Variants in EYS observed in about 807,000 individuals in gnomAD.
EYS encodes EGF-like photoreceptor maintenance factor.
A neutral mutation model predicts 282.1 loss-of-function variants in EYS; 250 were observed. The observed-to-expected ratio is 0.89, with a 90% CI of 0.80 to 0.98. The LOEUF is 0.98. Ranked by LOEUF, EYS falls within the 50% of genes least tolerant of loss-of-function variation. The pLI is 0.00. For synonymous variants in EYS, 1,355 were observed against 1,282.9 expected (o/e 1.06, Z -1.20); for missense variants, 4,016 against 3,709.0 (o/e 1.08, Z -2.15).
At chr6:63,886,017 G>C (rs1468794780) in intron 35 of EYS, among the ~76,000 whole-genome samples, 3 of 152,060 alleles carry the variant, frequency 2.0e-5, no homozygotes. Flanking sequence ...ATTTCTTATG[G>C]TATGGCTTCA....
At chr6:64,546,173 G>T (rs1278642401) in intron 26 of EYS, among the ~76,000 whole-genome samples, 2 of 152,078 alleles carry the variant, frequency 1.3e-5, no homozygotes, top group Admixed American at 6.5e-5. Flanking sequence ...CCAAAACAGA[G>T]ATATAGACCA....
intron 41 of EYS, among the ~76,000 whole-genome samples, chr6:63,750,397 CAGG>C (rs1769314471): frequency 3.3e-5 from 5 of 152,286 alleles, no homozygotes; most frequent in Admixed American, 6.5e-5. Flanking sequence ...TGACTTTGTA[CAGG>C]AGAAGACCTT....
chr6:65,503,735 AT>A (rs1355777554), intron 2 of EYS, among the ~76,000 whole-genome samples: 1 of 151,672 alleles, frequency 6.6e-6, no homozygotes, highest in Non-Finnish European at 1.5e-5. Flanking sequence ...TTTGAATTAC[AT>A]TTGATTATTT....
At chr6:64,283,246 G>A (rs1304406759) in intron 30 of EYS, among the ~76,000 whole-genome samples, 2 of 152,064 alleles carry the variant, frequency 1.3e-5, no homozygotes, top group Non-Finnish European at 2.9e-5. Context: ...CTTCAGAGAT[G>A]CCTTTCTTGT....
At chr6:64,867,335 T>C (rs931838669) in intron 19 of EYS, among the ~76,000 whole-genome samples, 4 of 151,766 alleles carry the variant, frequency 2.6e-5, no homozygotes, top group Non-Finnish European at 4.4e-5. Flanking sequence ...ATACAACTTA[T>C]TTAAATTTGT....
intron 22 of EYS, among the ~76,000 whole-genome samples, chr6:64,754,679 C>T (rs977893671): frequency 2.0e-4 from 30 of 152,164 alleles, no homozygotes; most frequent in Admixed American, 1.2e-3. Context: ...GATGGTTCAA[C>T]GTATGCAAAT....
intron 13 of EYS, among the ~76,000 whole-genome samples, chr6:65,020,477 C>T (rs959882131): frequency 6.6e-6 from 1 of 152,048 alleles, no homozygotes; most frequent in African/African-American, 2.4e-5. Flanking sequence ...AGATCACATC[C>T]CATGGCTTTG....
Position 64,626,394 on chromosome 6 carries a change from T to C in EYS, c.3444-149A>G, listed in dbSNP as rs915649401. ...TTCCTTGGGGTGACAATGAGTTGAA[T>C]TGTGGCCCCAAAACAGTATGTCTAA... is the stretch of plus-strand genomic sequence containing the variant. On this transcript the variant is annotated intron_variant, in intron 22 of 42. Transcript: ENST00000503581. 44 of 822,704 alleles carry C rather than the reference T, an allele frequency of 5.3e-5. No homozygotes were observed. In the East Asian group the frequency reaches 1.2e-3, roughly 22 times the overall value. 51.0% of individuals were successfully genotyped at this position (822,704 alleles called of 1,614,324 possible).
chr6:65,239,847 C>T (rs989431287), intron 12 of EYS, among the ~76,000 whole-genome samples: 6 of 151,916 alleles, frequency 3.9e-5, no homozygotes, highest in African/African-American at 1.5e-4. Context: ...AAATTACTAC[C>T]CTGATGAATG....
chr6:64,842,990 C>T (rs1765610323), intron 19 of EYS, among the ~76,000 whole-genome samples: 1 of 152,048 alleles, frequency 6.6e-6, no homozygotes, highest in Non-Finnish European at 1.5e-5. Context: ...AAATTGTCTC[C>T]AGGGCATGTC....
intron 28 of EYS, among the ~76,000 whole-genome samples, chr6:64,431,004 C>T (rs1774560025): frequency 6.6e-6 from 1 of 152,134 alleles, no homozygotes; most frequent in South Asian, 2.1e-4. Context: ...TACTCTGACA[C>T]TATCTCTACA....
chr6:63,884,681 A>C (rs568621205), intron 35 of EYS, among the ~76,000 whole-genome samples: 2 of 152,176 alleles, frequency 1.3e-5, no homozygotes, highest in African/African-American at 2.4e-5. Flanking sequence ...ATAGTCCGTC[A>C]AATCCTGATT....
At chr6:65,378,343 T>A (rs1290468853) in intron 8 of EYS, among the ~76,000 whole-genome samples, 1 of 152,160 alleles carries the variant, frequency 6.6e-6, no homozygotes, top group African/African-American at 2.4e-5. Context: ...AGATACCATC[T>A]CATGGCAGTT....
intron 31 of EYS, among the ~76,000 whole-genome samples, chr6:64,167,445 T>A (rs758069550): frequency 3.9e-5 from 6 of 152,238 alleles, no homozygotes; most frequent in Non-Finnish European, 5.9e-5. Context: ...TGCCATCACT[T>A]GGCTTTTTTT....
chr6:65,528,315 G>A (rs1435595522), intron 2 of EYS, among the ~76,000 whole-genome samples: 2 of 152,078 alleles, frequency 1.3e-5, no homozygotes, highest in African/African-American at 2.4e-5. Flanking sequence ...TACCAACTAG[G>A]TTCTAATGCT....
At chr6:65,440,440 C>T (rs1768269824) in intron 5 of EYS, among the ~76,000 whole-genome samples, 1 of 150,918 alleles carries the variant, frequency 6.6e-6, no homozygotes, top group Non-Finnish European at 1.5e-5. Flanking sequence ...TAATTTAATA[C>T]ATTTTCTAAA....
chr6:64,828,717 G>A (rs151084377), intron 19 of EYS, among the ~76,000 whole-genome samples: 8 of 151,984 alleles, frequency 5.3e-5, no homozygotes, highest in Non-Finnish European at 1.0e-4. Context: ...ATTGGGAATT[G>A]TGTATGAGTA....
At chr6:65,251,557 G>A (rs1393089011) in intron 12 of EYS, among the ~76,000 whole-genome samples, 4 of 151,892 alleles carry the variant, frequency 2.6e-5, no homozygotes, top group Non-Finnish European at 4.4e-5. Flanking sequence ...TCTGATTCCA[G>A]GGAAGATGGA....
chr6:63,841,654 GA>G (rs1457206109), intron 36 of EYS, among the ~76,000 whole-genome samples: 4 of 152,016 alleles, frequency 2.6e-5, no homozygotes, highest in Non-Finnish European at 5.9e-5. Flanking sequence ...TACATGTGCA[GA>G]ACGTGCAGGC....
Sources: gnomAD v4.1 joint callset for allele counts (sites outside exome capture counted in the v4.1 genomes callset) on GRCh38, gnomAD v4.1.1 for gene constraint, MANE v1.5 for transcripts, NCBI Gene and HGNC (gene_info 2026-07-23, HGNC 2026-07-21) for gene names.